Variants in MALRD1 observed in about 807,000 individuals in gnomAD.
MALRD1 encodes the protein MAM and LDL receptor class A domain containing 1.
In MALRD1, 247 loss-of-function variants were observed where a neutral mutation model predicts 242.1. That is an observed-to-expected ratio of 1.02 (90% CI 0.92 to 1.13). MALRD1 has a LOEUF of 1.13. Ranked by LOEUF, MALRD1 falls within the 50% of genes most tolerant of loss-of-function variation. MALRD1 has a pLI of 0.00. For missense variants in MALRD1, 2,989 were observed against 2,533.1 expected (o/e 1.18, Z -3.86); for synonymous variants, 995 against 866.6 (o/e 1.15, Z -2.60).
At chr10:19,460,551 C>G (rs944212807) in intron 29 of MALRD1, among the ~76,000 whole-genome samples, 3 of 151,930 alleles carry the variant, frequency 2.0e-5, no homozygotes, top group African/African-American at 7.2e-5. Context: ...TTGGAGCAAG[C>G]CACTGAAATC....
At chr10:19,432,807 G>C (rs1564334981) in intron 28 of MALRD1, among the ~76,000 whole-genome samples, 1 of 152,102 alleles carries the variant, frequency 6.6e-6, no homozygotes. Context: ...TAATTCCAAT[G>C]ATTGCATTCC....
At chr10:19,546,124 C>A (rs1266788944) in intron 32 of MALRD1, among the ~76,000 whole-genome samples, 1 of 152,134 alleles carries the variant, frequency 6.6e-6, no homozygotes, top group Non-Finnish European at 1.5e-5. Context: ...CAGTTTTTCA[C>A]AACTGTCTGG....
intron 28 of MALRD1, among the ~76,000 whole-genome samples, chr10:19,412,988 A>G (rs552980930): frequency 7.5e-4 from 115 of 152,320 alleles, no homozygotes; most frequent in African/African-American, 2.7e-3. Context: ...ATTTTATAAC[A>G]TAACTTTATT....
chr10:19,187,934 T>C (rs1835809670), intron 14 of MALRD1, among the ~76,000 whole-genome samples: 1 of 152,200 alleles, frequency 6.6e-6, no homozygotes, highest in Non-Finnish European at 1.5e-5. Flanking sequence ...TATGCACATG[T>C]ATTCACTATA....
Position 19,133,877 on chromosome 10 carries a change from T to A in MALRD1, c.1132T>A (p.Tyr378Asn). 3.3e-6 allele frequency: 4 copies of A among 1,230,212 alleles called. No individual in the cohort carries two copies. Among genetic ancestry groups the A allele is most frequent in the Non-Finnish European group, 4.1e-6 (4 of 986,844 alleles). The allele number at this position is 1,230,212 out of a possible 1,614,324, so 76.2% of individuals were successfully genotyped here. The change falls in exon 9 of 40, where the codon TAC becomes AAC. Residue 378 changes from tyrosine to asparagine, a missense_variant. By Grantham distance (143) the Tyr-to-Asn change is moderately radical (BLOSUM62 -2). Transcript: ENST00000454679. ...NNKEEEIFWT[Y>N]NISTHSQWVK... ...AAAGGAAGAAGAAATATTTTGGACA[T>A]ACAACATATCAACTCACAGCCAATG...
rs116393455 is a variant in MALRD1, at chr10:19,198,168, A to G, written c.1952-5560A>G. The stretch of plus-strand genomic sequence containing the variant: ...AGTATTGTGAAGGATCTAAAATTTT[A>G]CCTGACTGATAAGGAAACAAGTTAG... On this transcript the variant is annotated intron_variant, in intron 14 of 39. Transcript: ENST00000454679. 4.6e-3 allele frequency among the ~76,000 whole-genome samples: 707 copies of G among 152,324 alleles called. 6 individuals are homozygous for G. The highest frequency in any genetic ancestry group is 0.016 in the African/African-American group (667 of 41,572).
At chr10:19,381,084 A>G (rs1304740849) in intron 26 of MALRD1, among the ~76,000 whole-genome samples, 1 of 115,504 alleles carries the variant, frequency 8.7e-6, no homozygotes, top group Non-Finnish European at 1.7e-5. Context: ...CACAGTCCCC[A>G]GAGTGTGATA....
intron 11 of MALRD1, among the ~76,000 whole-genome samples, chr10:19,148,700 AC>A (rs1281547995): frequency 1.3e-5 from 2 of 150,644 alleles, no homozygotes; most frequent in Non-Finnish European, 3.0e-5. Context: ...GACTGATAAA[AC>A]TAGGGGCAGC....
intron 21 of MALRD1, among the ~76,000 whole-genome samples, chr10:19,315,962 C>T (rs1842689728): frequency 6.7e-6 from 1 of 149,962 alleles, no homozygotes; most frequent in South Asian, 2.1e-4. Flanking sequence ...TATGAATTTA[C>T]TCAGACATCC....
intron 19 of MALRD1, among the ~76,000 whole-genome samples, chr10:19,272,376 G>A (rs1840289869): frequency 6.6e-6 from 1 of 151,934 alleles, no homozygotes; most frequent in African/African-American, 2.4e-5. Flanking sequence ...GGAGTTTGTG[G>A]AATATAAACC....
At chr10:19,535,057 C>T (rs1172246216) in intron 32 of MALRD1, among the ~76,000 whole-genome samples, 1 of 151,990 alleles carries the variant, frequency 6.6e-6, no homozygotes, top group Admixed American at 6.6e-5. Context: ...AGCTAACTTT[C>T]GTATTTTTAG....
intron 14 of MALRD1, among the ~76,000 whole-genome samples, chr10:19,196,476 C>T (rs1296498989): frequency 6.6e-6 from 1 of 151,758 alleles, no homozygotes; most frequent in East Asian, 1.9e-4. Context: ...GATGGTATCA[C>T]CCTCCTCCTT....
At chr10:19,676,974 T>C (rs1035415132) in intron 36 of MALRD1, among the ~76,000 whole-genome samples, 1 of 152,220 alleles carries the variant, frequency 6.6e-6, no homozygotes, top group African/African-American at 2.4e-5. Flanking sequence ...GCTCCATCCA[T>C]GTCCCTGCCA....
At chr10:19,385,392 G>A (rs1251380279) in intron 26 of MALRD1, among the ~76,000 whole-genome samples, 2 of 151,970 alleles carry the variant, frequency 1.3e-5, no homozygotes, top group African/African-American at 4.8e-5. Context: ...CCTTTAATGG[G>A]AGGGTTGTTA....
intron 14 of MALRD1, among the ~76,000 whole-genome samples, chr10:19,181,790 T>C (rs1472538636): frequency 6.6e-6 from 1 of 152,186 alleles, no homozygotes; most frequent in East Asian, 1.9e-4. Flanking sequence ...CTCACTGTAA[T>C]AACCATTTTA....
intron 19 of MALRD1, among the ~76,000 whole-genome samples, chr10:19,258,065 C>A (rs570233505): frequency 6.6e-6 from 1 of 152,126 alleles, no homozygotes; most frequent in South Asian, 2.1e-4. Context: ...TAAGGAGTTA[C>A]AATAACCAAA....
intron 36 of MALRD1, among the ~76,000 whole-genome samples, chr10:19,658,138 A>G (rs953040369): frequency 3.9e-5 from 6 of 151,958 alleles, no homozygotes; most frequent in African/African-American, 1.5e-4. Flanking sequence ...ACAAGAGCGA[A>G]ACTCAATCTC....
chr10:19,388,530 G>A (rs1477167074), intron 27 of MALRD1, among the ~76,000 whole-genome samples: 1 of 152,128 alleles, frequency 6.6e-6, no homozygotes, highest in African/African-American at 2.4e-5. Context: ...TTCCTCATCT[G>A]TCATTTTGAG....
At chr10:19,592,361 T>A (rs1837835640) in intron 33 of MALRD1, among the ~76,000 whole-genome samples, 1 of 152,238 alleles carries the variant, frequency 6.6e-6, no homozygotes, top group African/African-American at 2.4e-5. Flanking sequence ...GTAGATGCCC[T>A]ACATTGAGGC....
Sources: gnomAD v4.1 joint callset for allele counts (sites outside exome capture counted in the v4.1 genomes callset) on GRCh38, gnomAD v4.1.1 for gene constraint, MANE v1.5 for transcripts, NCBI Gene and HGNC (gene_info 2026-07-23, HGNC 2026-07-21) for gene names.